Variants in PTPN9 observed in about 807,000 individuals in gnomAD.
PTPN9 encodes tyrosine-protein phosphatase non-receptor type 9.
PTPN9 carries 26 observed loss-of-function variants against 69.8 expected under a neutral mutation model. That is an observed-to-expected ratio of 0.37 (90% CI 0.27 to 0.52). PTPN9 has a LOEUF of 0.52. Among genes scored for constraint, PTPN9 ranks in the 20% least tolerant of loss-of-function variants. The probability of loss-of-function intolerance (pLI) is 0.91; values close to 1 mark genes in which losing one functional copy is unlikely to be tolerated. For missense variants in PTPN9, 549 were observed against 740.3 expected (o/e 0.74, Z 3.00); for synonymous variants, 274 against 272.5 (o/e 1.01, Z -0.05).
intron 1 of PTPN9, among the ~76,000 whole-genome samples, chr15:75,575,938 A>G (rs1282590407): frequency 7.1e-6 from 1 of 140,646 alleles, no homozygotes; most frequent in Non-Finnish European, 1.5e-5. Context: ...AAAAAAAAAA[A>G]AAAGAGTACT....
intron 5 of PTPN9, 60 bp downstream of exon 5, chr15:75,517,198 TA>T: frequency 3.2e-6 from 4 of 1,267,062 alleles, no homozygotes; most frequent in Non-Finnish European, 4.4e-6. Context: ...CCCAAAGAAT[TA>T]AAAAAATATA....
At chr15:75,567,886 C>T (rs1166131486) in intron 1 of PTPN9, among the ~76,000 whole-genome samples, 1 of 151,806 alleles carries the variant, frequency 6.6e-6, no homozygotes, top group Non-Finnish European at 1.5e-5. Context: ...GTCCCAGCTA[C>T]TCAGGAGACT....
At chr15:75,573,573 G>A (rs1011839643) in intron 1 of PTPN9, among the ~76,000 whole-genome samples, 1 of 151,994 alleles carries the variant, frequency 6.6e-6, no homozygotes, top group African/African-American at 2.4e-5. Context: ...CATTTGATGG[G>A]GAAAAAAATC....
At chr15:75,481,959 C>T (rs2074638636) in intron 8 of PTPN9, among the ~76,000 whole-genome samples, 1 of 145,618 alleles carries the variant, frequency 6.9e-6, no homozygotes, top group African/African-American at 2.6e-5. Flanking sequence ...GGGAGGTGTG[C>T]CCAACAGCTC....
intron 6 of PTPN9, among the ~76,000 whole-genome samples, chr15:75,507,553 G>A (rs1420398940): frequency 6.6e-6 from 1 of 152,040 alleles, no homozygotes; most frequent in Admixed American, 6.6e-5. Context: ...GGATCACGAG[G>A]TCAGAAGATC....
intron 7 of PTPN9, among the ~76,000 whole-genome samples, chr15:75,493,665 G>T (rs2074723508): frequency 6.6e-6 from 1 of 152,082 alleles, no homozygotes; most frequent in Non-Finnish European, 1.5e-5. Flanking sequence ...GGAGGCTGAG[G>T]CATGAGAATT....
At chr15:75,556,614 G>T (rs1390507613) in intron 1 of PTPN9, among the ~76,000 whole-genome samples, 3 of 152,088 alleles carry the variant, frequency 2.0e-5, no homozygotes, top group Non-Finnish European at 4.4e-5. Context: ...CTGAGCTCAA[G>T]TGATCCACCT....
At chr15:75,540,183 T>C (rs141208269) in intron 1 of PTPN9, among the ~76,000 whole-genome samples, 177 of 152,306 alleles carry the variant, frequency 1.2e-3, no homozygotes, top group African/African-American at 4.0e-3. Context: ...GTTTAGTCCA[T>C]TGAGATAGAG....
rs1344669977 is a variant in PTPN9 at position 75,508,368 on chromosome 15, A to G, written c.639+549T>C. On this transcript the variant is annotated intron_variant, in intron 6 of 12. Coordinates refer to ENST00000618819, the MANE Select transcript of PTPN9 (RefSeq NM_002833.4). ...CATGAGCCATTACACTTGGCCCAGA[A>G]TTAAAGTAATTTTGAACGCTTTTGA... Among the ~76,000 whole-genome samples the G allele has an allele frequency of 2.0e-5, 3 of 152,160 alleles. No homozygotes were observed. The East Asian group carries it at 5.8e-4, about 29-fold the overall frequency.
intron 1 of PTPN9, among the ~76,000 whole-genome samples, chr15:75,531,684 G>A (rs947878477): frequency 4.0e-5 from 6 of 151,834 alleles, no homozygotes; most frequent in Middle Eastern, 6.8e-3. Flanking sequence ...CCGGGTTCAC[G>A]CCATTCTCCT....
At chr15:75,528,107 C>T (rs1012976882) in intron 1 of PTPN9, among the ~76,000 whole-genome samples, 1 of 152,128 alleles carries the variant, frequency 6.6e-6, no homozygotes, top group Non-Finnish European at 1.5e-5. Flanking sequence ...CACTGGACCT[C>T]TTCATGCTTT....
chr15:75,511,630 T>G (rs1221615864), intron 5 of PTPN9, among the ~76,000 whole-genome samples: 2 of 152,166 alleles, frequency 1.3e-5, no homozygotes, highest in Non-Finnish European at 2.9e-5. Flanking sequence ...TTTTTCTATA[T>G]GGGTAGCTGT....
intron 5 of PTPN9, among the ~76,000 whole-genome samples, chr15:75,510,375 A>G (rs999070665): frequency 1.3e-5 from 2 of 152,064 alleles, no homozygotes; most frequent in Non-Finnish European, 1.5e-5. Context: ...GCTCCCAAGT[A>G]ACTGGGACTG....
At chr15:75,531,715 C>G (rs1481673679) in intron 1 of PTPN9, among the ~76,000 whole-genome samples, 1 of 152,008 alleles carries the variant, frequency 6.6e-6, no homozygotes, top group African/African-American at 2.4e-5. Context: ...CCCGCCACCA[C>G]ACCCGGCTAA....
In PTPN9 at chr15:75,465,840, T is replaced by G. The variant is rs2074534545; in HGVS notation, c.*2929A>C. Reference sequence around the variant, plus strand: ...ACAGCCTCTTCAAATAAATGACAATTTAAAGTTACCTCCTCCAGGCCGTTT... The same window carrying G: ...ACAGCCTCTTCAAATAAATGACAATGTAAAGTTACCTCCTCCAGGCCGTTT... On this transcript the variant is annotated 3_prime_UTR_variant, in exon 13 of 13. Transcript: ENST00000618819. 1 of 152,184 alleles carries G rather than the reference T, an allele frequency of 6.6e-6. No individual in the cohort carries two copies. The highest frequency in any genetic ancestry group is 2.1e-4 in the South Asian group (1 of 4,826). 9.4% of individuals were successfully genotyped at this position (152,184 alleles called of 1,614,324 possible).
At chr15:75,546,640 C>T (rs1227265488) in intron 1 of PTPN9, among the ~76,000 whole-genome samples, 1 of 149,742 alleles carries the variant, frequency 6.7e-6, no homozygotes, top group Non-Finnish European at 1.5e-5. Context: ...AAGACTCTGT[C>T]TCAAAAAAAA....
intron 1 of PTPN9, among the ~76,000 whole-genome samples, chr15:75,546,876 T>C (rs535868463): frequency 2.0e-5 from 3 of 152,186 alleles, no homozygotes; most frequent in East Asian, 1.9e-4. Context: ...AACAGTGTGA[T>C]AGCCAACAAC....
intron 1 of PTPN9, among the ~76,000 whole-genome samples, chr15:75,578,390 G>T (rs1026045379): frequency 2.0e-5 from 3 of 152,248 alleles, no homozygotes; most frequent in East Asian, 1.9e-4. Flanking sequence ...GGGGCAAGCA[G>T]CGGTTCTGCA....
intron 1 of PTPN9, among the ~76,000 whole-genome samples, chr15:75,558,464 A>G (rs1353995057): frequency 6.6e-6 from 1 of 151,862 alleles, no homozygotes; most frequent in Non-Finnish European, 1.5e-5. Context: ...CCAAGACTGC[A>G]CCACTGCACT....
Sources: allele counts gnomAD v4.1 joint callset (sites outside exome capture counted in the v4.1 genomes callset), GRCh38; gene constraint gnomAD v4.1.1; transcripts MANE v1.5; gene names NCBI Gene and HGNC (gene_info 2026-07-23, HGNC 2026-07-21).